The following RILPL2 variants were observed in gnomAD, a reference collection of about 807,000 sequenced individuals.
RILPL2 encodes the protein RILP-like protein 2.
RILPL2 carries 19 observed loss-of-function variants against 22.2 expected under a neutral mutation model. The ratio of observed to expected loss-of-function variants is 0.86; its 90% CI spans 0.60 to 1.25. The LOEUF (loss-of-function observed/expected upper bound fraction) is 1.25. RILPL2 is among the 50% of genes most tolerant of loss of function. RILPL2 has a pLI of 0.00. For missense variants in RILPL2, 243 were observed against 263.6 expected, an observed-to-expected ratio of 0.92 and a Z score of 0.54; for synonymous variants, 123 against 111.6, an observed-to-expected ratio of 1.10 and a Z score of -0.64.
intron 2 of RILPL2, among the ~76,000 whole-genome samples, chr12:123,423,918 G>T (rs906453537): frequency 6.6e-6 from 1 of 152,120 alleles, no homozygotes; most frequent in African/African-American, 2.4e-5. Flanking sequence ...CTCCCAAAGT[G>T]CTGGGATTAC....
At position 123,436,428 on chromosome 12, in the gene RILPL2, C is replaced by T. The variant is rs527571164; in HGVS notation, c.-8G>A. On this transcript the variant is annotated 5_prime_UTR_variant, in exon 1 of 4. Transcript: ENST00000280571. This position sits in a 1 kb window ranked among gnomAD's most constrained non-coding sequence, Gnocchi z 6.7. The stretch of plus-strand genomic sequence containing the variant: ...CACAGGGGGCTCCTCCATGGCCACC[C>T]AGACCCCCGCCGACCTCGGAGCTGC... 1 of 1,544,374 alleles carries T rather than the reference C, an allele frequency of 6.5e-7. No homozygotes were observed. Among genetic ancestry groups the T allele is most frequent in the Admixed American group, 2.0e-5 (1 of 50,950 alleles).
chr12:123,419,917 C>T (rs1439932818), intron 3 of RILPL2, among the ~76,000 whole-genome samples: 1 of 151,604 alleles, frequency 6.6e-6, no homozygotes, highest in African/African-American at 2.4e-5. Context: ...CCTCAGCCTC[C>T]CAGGTTAAAG....
chr12:123,435,792 C>T (rs1879776847), intron 1 of RILPL2, among the ~76,000 whole-genome samples: 1 of 152,008 alleles, frequency 6.6e-6, no homozygotes, highest in African/African-American at 2.4e-5. Context: ...AAACTGTGGA[C>T]CCTGGGCCAA....
chr12:123,417,709 C>T (rs908038973), intron 3 of RILPL2, among the ~76,000 whole-genome samples: 7 of 152,204 alleles, frequency 4.6e-5, no homozygotes, highest in African/African-American at 1.7e-4. Context: ...CCTCAGCCTC[C>T]TGAGTAGCTG....
chr12:123,418,756 C>CTTTTTTTTTTT (rs1202023726), intron 3 of RILPL2, among the ~76,000 whole-genome samples: 149 of 96,224 alleles, frequency 1.5e-3, no homozygotes, highest in Middle Eastern at 6.8e-3. Flanking sequence ...CTTTTTCTTT[C>CTTTTTTTTTTT]TTTTTTTTTT....
intron 1 of RILPL2, among the ~76,000 whole-genome samples, chr12:123,431,550 A>G (rs35416759): frequency 0.24 from 36,987 of 151,998 alleles, 4,987 homozygotes; most frequent in Middle Eastern, 0.36. Context: ...TGGGCCGGGC[A>G]CGGTGGCTCA....
downstream of RILPL2, chr12:123,414,210 G>A (rs554982845): frequency 6.5e-6 from 1 of 153,964 alleles, no homozygotes; most frequent in African/African-American, 2.4e-5. Flanking sequence ...GCCCACGGAG[G>A]GGGTGGGAGG....
chr12:123,436,294 C>G lies in RILPL2; in HGVS notation c.127G>C (p.Asp43His), dbSNP rs1481852767. 1.2e-6 allele frequency: 2 copies of G among 1,601,170 alleles called. No homozygotes were observed. Among genetic ancestry groups the G allele is most frequent in the East Asian group, 2.3e-5 (1 of 44,168 alleles). Residue 43 changes from aspartate to histidine, a missense_variant, in exon 1 of 4, where the codon GAC (aspartate) becomes CAC (histidine). Transcript: ENST00000280571. This position sits in a 1 kb window ranked among gnomAD's most constrained non-coding sequence, Gnocchi z 6.7. ...TCGCGGCCCAACAGGTAGGAGATGT[C>G]ATACACGTCCTCGGCGGTCAGCTGG... ...PFQLTAEDVY[D>H]ISYLLGRELM...
chr12:123,430,290 T>A (rs1879595130), intron 2 of RILPL2, among the ~76,000 whole-genome samples: 1 of 151,164 alleles, frequency 6.6e-6, no homozygotes, highest in Admixed American at 6.6e-5. Flanking sequence ...GCGCCTGTAG[T>A]CCCAGCTACT....
intron 2 of RILPL2, 144 bp downstream of exon 2, chr12:123,430,364 G>A (rs557066368): frequency 3.2e-4 from 199 of 623,474 alleles, no homozygotes; most frequent in Admixed American, 1.3e-3. Flanking sequence ...AGCCGAGATC[G>A]CGCCACTGCA....
the RILPL2 span, among the ~76,000 whole-genome samples, chr12:123,409,615 T>C: frequency 3.3e-5 from 5 of 149,690 alleles, no homozygotes; most frequent in African/African-American, 1.2e-4. Context: ...CAGTCTCAGC[T>C]CACTGCAACC....
At chr12:123,411,135 C>CGGGTTCAA (rs1878963586), downstream of RILPL2, 1 of 151,934 alleles carries the variant, frequency 6.6e-6, no homozygotes, top group Non-Finnish European at 1.5e-5. Context: ...CTCCACCTCC[C>CGGGTTCAA]GGGTTCAAGC....
At position 123,430,232 on chromosome 12, in the gene RILPL2, A is replaced by AC. The variant is rs546921052; in HGVS notation, c.491+275dup. On this transcript the variant is annotated intron_variant, in intron 2 of 3. Coordinates refer to ENST00000280571, the MANE Select transcript of RILPL2 (RefSeq NM_145058.3). ...AGACCATTCTGCCTAACACGGTGAA[A>AC]CTCCGTTTCTACTAAAAATACAAAA... Among the ~76,000 whole-genome samples the AC allele has an allele frequency of 2.5e-3, 371 of 151,150 alleles. 4 individuals carry two copies. Among genetic ancestry groups the AC allele is most frequent in the African/African-American group, 8.8e-3 (362 of 41,196 alleles).
chr12:123,426,307 C>G (rs1268819110), intron 2 of RILPL2, among the ~76,000 whole-genome samples: 1 of 151,954 alleles, frequency 6.6e-6, no homozygotes, highest in Non-Finnish European at 1.5e-5. Context: ...TACCACCACA[C>G]CCGGCTAATT....
At chr12:123,418,809 G>T (rs1285603297) in intron 3 of RILPL2, among the ~76,000 whole-genome samples, 1 of 130,774 alleles carries the variant, frequency 7.6e-6, no homozygotes, top group Non-Finnish European at 1.5e-5. Context: ...TTGCTAGGCT[G>T]GAGTGCAGTG....
chr12:123,430,553 T>C lies in RILPL2; in HGVS notation c.446A>G (p.Lys149Arg), dbSNP rs1879612553. The change falls in exon 2 of 4, where the codon AAG (lysine) becomes AGG (arginine). Residue 149 changes from lysine to arginine, a missense_variant. Lys to Arg is a conservative substitution (Grantham distance 26). Coordinates refer to ENST00000280571, the MANE Select transcript of RILPL2 (RefSeq NM_145058.3). Reference protein sequence around the residue: ...RDVLQERNKLKSQLLVVQEEL... With the variant: ...RDVLQERNKLRSQLLVVQEEL... ...TTCCTGCACCACCAGGAGCTGCGAC[T>C]TGAGTTTGTTGCGTTCCTGCAGCAC... 6.2e-7 allele frequency: 1 copy of C among 1,612,672 alleles called. No homozygotes were observed. Among genetic ancestry groups the C allele is most frequent in the African/African-American group, 1.3e-5 (1 of 74,848 alleles).
chr12:123,430,142 G>T (rs1343141512), intron 2 of RILPL2, among the ~76,000 whole-genome samples: 2 of 147,310 alleles, frequency 1.4e-5, no homozygotes, highest in East Asian at 4.0e-4. Flanking sequence ...AGGCTTGGTG[G>T]CTCATGCCTG....
Position 123,433,940 on chromosome 12 carries a change from T to C in RILPL2, c.339+2142A>G, listed in dbSNP as rs373440312. Among the ~76,000 whole-genome samples, 136 of 152,328 alleles carry C rather than the reference T, an allele frequency of 8.9e-4. 3 individuals are homozygous for C. In the South Asian group the frequency reaches 0.028, roughly 32 times the overall value. ...TCTGAATTAAGATCCTGACTTCACC[T>C]CTTAACTTGCCGTGAAGTCCTTAGG... is the stretch of plus-strand genomic sequence containing the variant. On this transcript the variant is annotated intron_variant, in intron 1 of 3. Coordinates refer to ENST00000280571, the MANE Select transcript of RILPL2 (RefSeq NM_145058.3).
At chr12:123,434,486 C>T (rs1443678709) in intron 1 of RILPL2, among the ~76,000 whole-genome samples, 1 of 151,580 alleles carries the variant, frequency 6.6e-6, no homozygotes, top group Non-Finnish European at 1.5e-5. Context: ...TGCAGTGGCG[C>T]GATCTCGGCT....
Sources: gnomAD v4.1 joint callset for allele counts (sites outside exome capture counted in the v4.1 genomes callset) on GRCh38, gnomAD v4.1.1 for gene constraint, Gnocchi (gnomAD v3.1) non-coding constraint, MANE v1.5 for transcripts, NCBI Gene and HGNC (gene_info 2026-07-23, HGNC 2026-07-21) for gene names.